The following ARHGAP24 variants were observed in gnomAD, a reference collection of about 807,000 sequenced individuals.
ARHGAP24 encodes Rho GTPase activating protein 24, also known as rho GTPase-activating protein 24.
In ARHGAP24, 50 loss-of-function variants were observed where a neutral mutation model predicts 76.4. The observed-to-expected ratio is 0.65, with a 90% CI of 0.52 to 0.83. The LOEUF (loss-of-function observed/expected upper bound fraction) is 0.83. Ranked by LOEUF, ARHGAP24 falls within the 40% of genes least tolerant of loss-of-function variation. ARHGAP24 has a pLI of 0.00. For synonymous variants in ARHGAP24, 345 were observed against 323.3 expected (o/e 1.07, Z -0.72); for missense variants, 930 against 914.2 (o/e 1.02, Z -0.22).
chr4:85,587,792 A>T (rs536793801), intron 2 of ARHGAP24, among the ~76,000 whole-genome samples: 7 of 152,260 alleles, frequency 4.6e-5, no homozygotes, highest in African/African-American at 1.7e-4. Context: ...GAATAGATTT[A>T]TGCATGTGAT....
chr4:85,765,573 C>T (rs1726901415), intron 3 of ARHGAP24, among the ~76,000 whole-genome samples: 1 of 152,030 alleles, frequency 6.6e-6, no homozygotes, highest in African/African-American at 2.4e-5. Context: ...TAGGCATATA[C>T]TACTCTTTAC....
At chr4:85,545,191 G>T (rs201583597) in intron 1 of ARHGAP24, among the ~76,000 whole-genome samples, 1 of 151,654 alleles carries the variant, frequency 6.6e-6, no homozygotes, top group Non-Finnish European at 1.5e-5. Context: ...CCTCCGCCTC[G>T]TGGGTTCAAG....
chr4:85,866,690 C>T (rs994406578), intron 3 of ARHGAP24, among the ~76,000 whole-genome samples: 8 of 152,072 alleles, frequency 5.3e-5, no homozygotes, highest in Non-Finnish European at 8.8e-5. Context: ...CTGCTCTGGT[C>T]GGCAGATCTG....
chr4:85,925,068 G>T (rs1330494126), intron 4 of ARHGAP24, among the ~76,000 whole-genome samples: 1 of 152,174 alleles, frequency 6.6e-6, no homozygotes, highest in Non-Finnish European at 1.5e-5. Context: ...CCCCACTCCA[G>T]TACCTTAGCA....
At chr4:85,546,476 C>G (rs1241367104) in intron 1 of ARHGAP24, among the ~76,000 whole-genome samples, 13 of 152,142 alleles carry the variant, frequency 8.5e-5, no homozygotes, top group Admixed American at 7.9e-4. Context: ...AATCATATTA[C>G]CTGTGGAAGC....
intron 1 of ARHGAP24, among the ~76,000 whole-genome samples, chr4:85,521,822 TATTTCTACCC>T (rs543810888): frequency 6.1e-4 from 93 of 152,290 alleles, no homozygotes; most frequent in African/African-American, 2.2e-3. Context: ...TTGCTAGAGA[TATTTCTACCC>T]ATTGAAGAGG....
rs1740981333 is a variant in ARHGAP24 at position 86,000,857 on chromosome 4, A to G, written c.*135A>G. 1 of 1,320,888 alleles carries G rather than the reference A, an allele frequency of 7.6e-7. No homozygotes were observed. Among genetic ancestry groups the G allele is most frequent in the African/African-American group, 1.5e-5 (1 of 68,088 alleles). The allele number at this position is 1,320,888 out of a possible 1,614,324, so 81.8% of individuals were successfully genotyped here. A position where few individuals can be genotyped will look rare whatever the true frequency, so the allele number is the denominator to read the frequency against. ...TGGTGAAGGAATATCATTTACAGAC[A>G]TTAAACATCCATATCTGCAATGTGT... On this transcript the variant is annotated 3_prime_UTR_variant, in exon 10 of 10. Transcript: ENST00000395184.
At chr4:85,601,123 CTT>C (rs1720013275) in intron 2 of ARHGAP24, among the ~76,000 whole-genome samples, 3 of 152,218 alleles carry the variant, frequency 2.0e-5, no homozygotes, top group Non-Finnish European at 4.4e-5. Flanking sequence ...TTATTTCACT[CTT>C]TTATTCACGT....
intron 7 of ARHGAP24, 67 bp from the exon 8 acceptor site, chr4:85,977,503 G>GATCA: frequency 6.4e-7 from 1 of 1,555,940 alleles, no homozygotes; most frequent in Non-Finnish European, 8.8e-7. Context: ...ATTTTCTAAT[G>GATCA]ATCGATTTTT....
At chr4:85,843,812 C>G (rs1180269272) in intron 3 of ARHGAP24, among the ~76,000 whole-genome samples, 1 of 151,944 alleles carries the variant, frequency 6.6e-6, no homozygotes, top group Non-Finnish European at 1.5e-5. Flanking sequence ...ATATTTAAAA[C>G]CATTGACTAT....
chr4:85,601,704 T>C (rs1720035121), intron 2 of ARHGAP24, among the ~76,000 whole-genome samples: 1 of 152,128 alleles, frequency 6.6e-6, no homozygotes, highest in African/African-American at 2.4e-5. Flanking sequence ...ATTTTCTATA[T>C]GGAATGTTTC....
chr4:85,841,723 A>T (rs142977309), intron 3 of ARHGAP24, among the ~76,000 whole-genome samples: 18 of 152,340 alleles, frequency 1.2e-4, no homozygotes, highest in African/African-American at 4.1e-4. Flanking sequence ...GCCTCATTCA[A>T]GTACACCTGT....
intron 3 of ARHGAP24, among the ~76,000 whole-genome samples, chr4:85,776,154 C>G (rs1727302559): frequency 6.6e-6 from 1 of 152,084 alleles, no homozygotes; most frequent in Admixed American, 6.6e-5. Flanking sequence ...CACCAAAGAG[C>G]TCTCTGGGAT....
intron 5 of ARHGAP24, among the ~76,000 whole-genome samples, chr4:85,948,084 C>G (rs779320521): frequency 6.6e-5 from 10 of 152,116 alleles, no homozygotes; most frequent in Non-Finnish European, 1.3e-4. Flanking sequence ...AGCTACATCT[C>G]TTATTCTATA....
At chr4:85,980,232 A>G (rs1438599536) in intron 8 of ARHGAP24, among the ~76,000 whole-genome samples, 1 of 152,220 alleles carries the variant, frequency 6.6e-6, no homozygotes, top group Non-Finnish European at 1.5e-5. Flanking sequence ...ATATAAATGC[A>G]CACTACATGT....
chr4:85,894,985 AAAACAAAACAAAAAGC>A (rs1560701655), intron 3 of ARHGAP24, among the ~76,000 whole-genome samples: 3 of 19,928 alleles, frequency 1.5e-4, no homozygotes, highest in African/African-American at 2.3e-4. Context: ...AAAAAAAAAA[AAAACAAAACAAAAAGC>A]AAAAAAAAAA....
At chr4:85,657,828 C>T in intron 2 of ARHGAP24, among the ~76,000 whole-genome samples, 1 of 152,212 alleles carries the variant, frequency 6.6e-6, no homozygotes, top group Admixed American at 6.5e-5. Flanking sequence ...TATCTCAGCT[C>T]ACTGCAAACT....
At chr4:85,635,784 A>G (rs1721292254) in intron 2 of ARHGAP24, among the ~76,000 whole-genome samples, 1 of 152,082 alleles carries the variant, frequency 6.6e-6, no homozygotes, top group Non-Finnish European at 1.5e-5. Context: ...TTTCATAGGT[A>G]CCAATAATAT....
intron 2 of ARHGAP24, among the ~76,000 whole-genome samples, chr4:85,677,409 C>T (rs1159474062): frequency 6.6e-6 from 1 of 152,114 alleles, no homozygotes; most frequent in Non-Finnish European, 1.5e-5. Flanking sequence ...AGAGTGACAG[C>T]CAGGGAACAA....
Sources: gnomAD v4.1 joint callset for allele counts (sites outside exome capture counted in the v4.1 genomes callset) on GRCh38, gnomAD v4.1.1 for gene constraint, MANE v1.5 for transcripts, NCBI Gene and HGNC (gene_info 2026-07-23, HGNC 2026-07-21) for gene names.